The following EML5 variants were observed in gnomAD, a reference collection of about 807,000 sequenced individuals.
EML5 encodes the protein EMAP like 5.
EML5 carries 120 observed loss-of-function variants against 250.0 expected under a neutral mutation model. That is an observed-to-expected ratio of 0.48 (90% confidence interval 0.41 to 0.56). The LOEUF is 0.56. EML5 is among the 20% of genes least tolerant of loss of function. EML5 has a pLI of 0.00. For synonymous variants in EML5, 771 were observed against 806.5 expected, an observed-to-expected ratio of 0.96 and a Z score of 0.75; for missense variants, 2,006 against 2,437.6, an observed-to-expected ratio of 0.82 and a Z score of 3.73.
rs1158625064 is a variant in EML5 at position 88,630,077 on chromosome 14, C to T, written c.4358-2258G>A. Among the ~76,000 whole-genome samples the T allele has an allele frequency of 3.2e-5, 4 of 124,868 alleles. No homozygotes were observed. In the Admixed American group the frequency reaches 4.2e-4, roughly 13 times the overall value. 81.9% of individuals were successfully genotyped at this position (124,868 alleles called of 152,430 possible). Reference sequence around the variant, plus strand: ...TGGAGTTTCGCTCTTGTTGCCCAGGCTGGAGTGCAATGGCATGATCTCGGC... The same window carrying T: ...TGGAGTTTCGCTCTTGTTGCCCAGGTTGGAGTGCAATGGCATGATCTCGGC... On this transcript the variant is annotated intron_variant, in intron 33 of 43. Transcript: ENST00000554922.
intron 7 of EML5, among the ~76,000 whole-genome samples, chr14:88,731,883 G>A (rs2140149120): frequency 6.6e-6 from 1 of 152,282 alleles, no homozygotes; most frequent in African/African-American, 2.4e-5. Flanking sequence ...AGAAGTGTCT[G>A]TTCATATCCT....
chr14:88,659,201 T>G (rs190372328), intron 25 of EML5, among the ~76,000 whole-genome samples: 7 of 152,056 alleles, frequency 4.6e-5, no homozygotes, highest in Admixed American at 4.6e-4. Context: ...CAAAACACAG[T>G]GATAGCAAAA....
chr14:88,618,719 G>A lies in EML5; in HGVS notation c.5469C>T (p.Ile1823=), dbSNP rs1296870887. 6.2e-7 allele frequency: 1 copy of A among 1,610,762 alleles called. No individual in the cohort carries two copies. The highest frequency in any genetic ancestry group is 8.5e-7 in the Non-Finnish European group (1 of 1,178,346). ...DLTLGPTLNR[I]SYCKDIPSFV... ...AGCTTGGAATGTCTTTGCAGTAGCT[G>A]ATTCTGTTAAGAGTGGGGCCCAGCG... The change falls in exon 40 of 44, where the codon ATC becomes ATT. Residue 1823 remains isoleucine (I), a synonymous_variant. Coordinates refer to ENST00000554922, the MANE Select transcript of EML5 (RefSeq NM_183387.3).
chr14:88,705,300 G>T (rs554247737), intron 12 of EML5, among the ~76,000 whole-genome samples, 182 bp downstream of exon 12: 98 of 152,052 alleles, frequency 6.4e-4, no homozygotes, highest in Non-Finnish European at 1.2e-3. Flanking sequence ...AATATACCAA[G>T]CATTTAATAT....
chr14:88,763,821 T>G (rs148302864), intron 1 of EML5, among the ~76,000 whole-genome samples: 1 of 152,206 alleles, frequency 6.6e-6, no homozygotes, highest in Non-Finnish European at 1.5e-5. Context: ...TTCCTGCTTT[T>G]ACAAGGAAAA....
intron 1 of EML5, among the ~76,000 whole-genome samples, chr14:88,760,651 C>T (rs963359091): frequency 6.6e-6 from 1 of 152,120 alleles, no homozygotes. Flanking sequence ...CTAATTACTT[C>T]ATCTTTCCTA....
chr14:88,618,984 A>C, intron 39 of EML5, 172 bp from the exon 40 acceptor site: 2 of 500,792 alleles, frequency 4.0e-6, no homozygotes. Flanking sequence ...GGTTACATGA[A>C]ATAAGGAAGC....
rs2087477372 is a variant in EML5 at position 88,615,652 on chromosome 14, G to A, written c.*166C>T. 1.6e-6 allele frequency: 1 copy of A among 624,550 alleles called. No homozygotes were observed. 38.7% of individuals were successfully genotyped at this position (624,550 alleles called of 1,614,324 possible). A position where few individuals can be genotyped will look rare whatever the true frequency, so the allele number is the denominator to read the frequency against. ...TTACGGATTATACCCAGTGCATATAGCAAATATTTTGAACAGATCAGTCTT... is the reference window on the plus strand; with the variant it reads ...TTACGGATTATACCCAGTGCATATAACAAATATTTTGAACAGATCAGTCTT... On this transcript the variant is annotated 3_prime_UTR_variant, in exon 44 of 44. Transcript: ENST00000554922.
At chr14:88,782,246 C>A (rs533832192) in intron 1 of EML5, among the ~76,000 whole-genome samples, 1 of 152,300 alleles carries the variant, frequency 6.6e-6, no homozygotes, top group East Asian at 1.9e-4. Flanking sequence ...TGCCCCTGCC[C>A]TAGAGATCTG....
At chr14:88,746,523 A>G (rs905116737) in intron 2 of EML5, among the ~76,000 whole-genome samples, 6 of 152,194 alleles carry the variant, frequency 3.9e-5, no homozygotes, top group African/African-American at 1.4e-4. Flanking sequence ...AGTAGGATTG[A>G]CAAAATATCC....
In EML5 at chr14:88,714,553, C is replaced by CCA. The variant is rs541290552; in HGVS notation, c.1444+384_1444+385dup. Among the ~76,000 whole-genome samples, 352 of 152,030 alleles carry CCA rather than the reference C, an allele frequency of 2.3e-3. 18 individuals are homozygous for CCA. In the South Asian group the frequency reaches 0.066, roughly 29 times the overall value. On this transcript the variant is annotated intron_variant, in intron 9 of 43. Coordinates refer to ENST00000554922, the MANE Select transcript of EML5 (RefSeq NM_183387.3). ...AGAGAGTGGAACTTAAATGTTCTCACCACACACACACAAAAATGGTAACTG... is the reference window on the plus strand; with the variant it reads ...AGAGAGTGGAACTTAAATGTTCTCACCACACACACACACAAAAATGGTAACTG...
At chr14:88,746,499 C>T (rs1231440959) in intron 2 of EML5, among the ~76,000 whole-genome samples, 1 of 152,110 alleles carries the variant, frequency 6.6e-6, no homozygotes, top group Non-Finnish European at 1.5e-5. Flanking sequence ...AGAAGAGAGA[C>T]TTCCATTTCT....
At chr14:88,724,308 T>C (rs1337394989) in intron 8 of EML5, among the ~76,000 whole-genome samples, 1 of 149,450 alleles carries the variant, frequency 6.7e-6, no homozygotes. Context: ...TGTTCAGTAA[T>C]GAATCCTGCT....
intron 37 of EML5, 99 bp downstream of exon 37, chr14:88,622,502 CATT>C: frequency 7.9e-6 from 7 of 882,238 alleles, no homozygotes; most frequent in South Asian, 6.2e-5. Flanking sequence ...CATCGTTATG[CATT>C]ATTAAGTATT....
At position 88,668,188 on chromosome 14, in the gene EML5, T is replaced by C. The variant is rs532795363; in HGVS notation, c.3125-2699A>G. Among the ~76,000 whole-genome samples, 3 of 152,348 alleles carry C rather than the reference T, an allele frequency of 2.0e-5. 1 individual carries two copies. Among genetic ancestry groups the C allele is most frequent in the African/African-American group, 7.2e-5 (3 of 41,584 alleles). Reference sequence around the variant, plus strand: ...TTTTGCTAGTTAGCAATTCTTTTTATTAAATTCCCACTGTTCAAATAAGCC... The same window carrying C: ...TTTTGCTAGTTAGCAATTCTTTTTACTAAATTCCCACTGTTCAAATAAGCC... On this transcript the variant is annotated intron_variant, in intron 21 of 43. Transcript: ENST00000554922.
At chr14:88,726,792 CTG>C in intron 7 of EML5, 114 bp from the exon 8 acceptor site, 1 of 742,534 alleles carries the variant, frequency 1.3e-6, no homozygotes, top group Non-Finnish European at 2.0e-6. Context: ...TCTTAACTAT[CTG>C]TTGTGTGGCA....
At chr14:88,682,926 A>C (rs2092747319) in intron 20 of EML5, among the ~76,000 whole-genome samples, 1 of 152,010 alleles carries the variant, frequency 6.6e-6, no homozygotes, top group African/African-American at 2.4e-5. Flanking sequence ...CTCACTCTCA[A>C]CTCCAGAGCC....
In EML5 at chr14:88,620,687, G is replaced by A; in HGVS notation, c.5375+67C>T. ...GACCTCTTTTTGAAGGCAAGGCTAT[G>A]GAAAATTTTACAAATGGAAGTTAAA... On this transcript the variant is annotated intron_variant, in intron 39 of 43. Coordinates refer to ENST00000554922, the MANE Select transcript of EML5 (RefSeq NM_183387.3). The surrounding 1 kb of genome is among the most constrained non-coding windows in gnomAD (Gnocchi z 4.3). 7 of 1,365,602 alleles carry A rather than the reference G, an allele frequency of 5.1e-6. No individual in the cohort carries two copies. The highest frequency in any genetic ancestry group is 6.7e-6 in the Non-Finnish European group (7 of 1,047,548). The allele number at this position is 1,365,602 out of a possible 1,614,324, so 84.6% of individuals were successfully genotyped here. A position where few individuals can be genotyped will look rare whatever the true frequency, so the allele number is the denominator to read the frequency against.
chr14:88,639,769 C>T (rs949784086), intron 31 of EML5, among the ~76,000 whole-genome samples: 1 of 151,968 alleles, frequency 6.6e-6, no homozygotes, highest in African/African-American at 2.4e-5. Context: ...TTAGTAGATA[C>T]GGGGTTTTGC....
Sources: allele counts gnomAD v4.1 joint callset (sites outside exome capture counted in the v4.1 genomes callset), GRCh38; gene constraint gnomAD v4.1.1; non-coding constraint Gnocchi (gnomAD v3.1); transcripts MANE v1.5; gene names NCBI Gene and HGNC (gene_info 2026-07-23, HGNC 2026-07-21).